FRMD4B: variants seen among roughly 807,000 people sequenced by gnomAD.
FRMD4B encodes FERM domain containing 4B, also known as FERM domain-containing protein 4B.
FRMD4B carries 74 observed loss-of-function variants against 141.5 expected under a neutral mutation model. The ratio of observed to expected loss-of-function variants is 0.52; its 90% CI spans 0.43 to 0.63. The LOEUF (loss-of-function observed/expected upper bound fraction) is 0.63. Among genes scored for constraint, FRMD4B ranks in the 30% least tolerant of loss-of-function variants. The probability of loss-of-function intolerance (pLI) is 0.00; values close to 1 mark genes in which losing one functional copy is unlikely to be tolerated. For missense variants in FRMD4B, 1,366 were observed against 1,253.4 expected (o/e 1.09, Z -1.36); for synonymous variants, 506 against 467.9 (o/e 1.08, Z -1.05).
chr3:69,355,439 T>A (rs1458749104), intron 1 of FRMD4B, among the ~76,000 whole-genome samples: 2 of 152,206 alleles, frequency 1.3e-5, no homozygotes. Flanking sequence ...TGTTAATATA[T>A]AACAGTAAAA....
At chr3:69,251,870 T>C (rs945687900) in intron 5 of FRMD4B, among the ~76,000 whole-genome samples, 2 of 152,208 alleles carry the variant, frequency 1.3e-5, no homozygotes, top group African/African-American at 4.8e-5. Context: ...AAAGGCTACA[T>C]TCCTTAGTTC....
intron 1 of FRMD4B, among the ~76,000 whole-genome samples, chr3:69,331,679 C>T (rs924541607): frequency 4.6e-5 from 7 of 152,166 alleles, no homozygotes; most frequent in Non-Finnish European, 8.8e-5. Flanking sequence ...AGCACACTCA[C>T]TTCCCAGGGC....
intron 1 of FRMD4B, among the ~76,000 whole-genome samples, chr3:69,537,259 C>T (rs1701101650): frequency 6.6e-6 from 1 of 152,158 alleles, no homozygotes; most frequent in South Asian, 2.1e-4. Context: ...CAGCTGTACA[C>T]ACTAGGCCCC....
intron 17 of FRMD4B, among the ~76,000 whole-genome samples, chr3:69,191,122 A>C (rs116074334): frequency 1.9e-3 from 295 of 152,324 alleles, no homozygotes; most frequent in African/African-American, 6.5e-3. Flanking sequence ...GTATCCATCA[A>C]ATGTTAAATA....
intron 2 of FRMD4B, 58 bp downstream of exon 2, chr3:69,313,394 G>A: frequency 8.9e-7 from 1 of 1,119,402 alleles, no homozygotes; most frequent in South Asian, 1.3e-5. Context: ...GTCCCCGTGA[G>A]GGTAAAACCT....
chr3:69,210,691 A>C (rs1055071879), intron 11 of FRMD4B, among the ~76,000 whole-genome samples: 3 of 152,192 alleles, frequency 2.0e-5, no homozygotes, highest in Admixed American at 2.0e-4. Context: ...AGGTGAAAGA[A>C]GTGCTCACAC....
chr3:69,489,150 CTT>C (rs1242528163), intron 1 of FRMD4B, among the ~76,000 whole-genome samples: 1 of 151,460 alleles, frequency 6.6e-6, no homozygotes, highest in African/African-American at 2.4e-5. Flanking sequence ...TAAAAAGAAA[CTT>C]ATATCCAGAA....
At chr3:69,446,970 T>C (rs1034791403) in intron 1 of FRMD4B, among the ~76,000 whole-genome samples, 1 of 152,126 alleles carries the variant, frequency 6.6e-6, no homozygotes, top group Non-Finnish European at 1.5e-5. Context: ...GATCCACATG[T>C]CACACAGATT....
At chr3:69,175,053 C>T (rs2092628251) in intron 22 of FRMD4B, among the ~76,000 whole-genome samples, 1 of 152,106 alleles carries the variant, frequency 6.6e-6, no homozygotes, top group Admixed American at 6.6e-5. Context: ...CCAAGAAAAA[C>T]TCCCACTGAA....
chr3:69,300,392 A>G (rs1255348852), intron 4 of FRMD4B, among the ~76,000 whole-genome samples: 1 of 152,236 alleles, frequency 6.6e-6, no homozygotes, highest in Admixed American at 6.5e-5. Context: ...CGAAGTGATT[A>G]GGGGACACTC....
intron 1 of FRMD4B, among the ~76,000 whole-genome samples, chr3:69,466,874 T>C (rs1431009423): frequency 6.6e-6 from 1 of 152,094 alleles, no homozygotes; most frequent in African/African-American, 2.4e-5. Context: ...TTTTTATTTT[T>C]ATTTTTTTGT....
At chr3:69,487,177 T>C (rs1240588937) in intron 1 of FRMD4B, among the ~76,000 whole-genome samples, 1 of 152,188 alleles carries the variant, frequency 6.6e-6, no homozygotes, top group Non-Finnish European at 1.5e-5. Context: ...GCTGAAATAC[T>C]GTGCTGGAGC....
rs1447195596 is a variant in FRMD4B, at chr3:69,427,260, A to AAATATAATATATATTTATATGT, written c.-1+5352_-1+5373dup. Among the ~76,000 whole-genome samples the AAATATAATATATATTTATATGT allele has an allele frequency of 4.0e-5, 6 of 148,278 alleles. No individual in the cohort carries two copies. In the East Asian group the frequency reaches 1.2e-3, roughly 29 times the overall value. ...TCTGGGAAACAATTACATACTATATAAATATAATATATATTTATATGTTAT... is the reference window on the plus strand; with the variant it reads ...TCTGGGAAACAATTACATACTATATAAATATAATATATATTTATATGTAATATAATATATATTTATATGTTAT... On this transcript the variant is annotated intron_variant, in intron 2 of 5. Coordinates refer to the FRMD4B transcript ENST00000459638.
At chr3:69,313,347 C>T in intron 2 of FRMD4B, 105 bp downstream of exon 2, 2 of 754,140 alleles carry the variant, frequency 2.7e-6, no homozygotes, top group Non-Finnish European at 2.4e-6. Flanking sequence ...AGCCTGAATA[C>T]AGACTATGAG....
intron 7 of FRMD4B, 130 bp from the exon 8 acceptor site, chr3:69,224,820 G>A: frequency 4.9e-6 from 3 of 606,780 alleles, no homozygotes; most frequent in Non-Finnish European, 5.9e-6. Context: ...ACATGGTTAT[G>A]GACTCTAACT....
At chr3:69,339,012 T>C (rs1273256483) in intron 1 of FRMD4B, among the ~76,000 whole-genome samples, 1 of 152,092 alleles carries the variant, frequency 6.6e-6, no homozygotes, top group East Asian at 1.9e-4. Flanking sequence ...CACAGATCTT[T>C]ACGCATCCCC....
chr3:69,304,642 A>T (rs886104448), intron 3 of FRMD4B, among the ~76,000 whole-genome samples: 2 of 152,104 alleles, frequency 1.3e-5, no homozygotes, highest in African/African-American at 4.8e-5. Flanking sequence ...CTAGATTTTG[A>T]CCACTGAGGG....
chr3:69,225,519 CAA>C (rs35855787), intron 7 of FRMD4B, among the ~76,000 whole-genome samples: 91 of 50,572 alleles, frequency 1.8e-3, no homozygotes, highest in African/African-American at 7.6e-3. Context: ...ACTAAAAATA[CAA>C]AAAAAAAAAA....
intron 11 of FRMD4B, among the ~76,000 whole-genome samples, chr3:69,201,457 T>C (rs984476647): frequency 6.6e-6 from 1 of 152,166 alleles, no homozygotes; most frequent in Non-Finnish European, 1.5e-5. Context: ...TTTATATATA[T>C]AAAATGAATA....
Sources: gnomAD v4.1 joint callset for allele counts (sites outside exome capture counted in the v4.1 genomes callset) on GRCh38, gnomAD v4.1.1 for gene constraint, MANE v1.5 for transcripts, NCBI Gene and HGNC (gene_info 2026-07-23, HGNC 2026-07-21) for gene names.